The following RAI1 variants were observed in gnomAD, a reference collection of about 807,000 sequenced individuals.
RAI1 encodes the protein retinoic acid-induced protein 1.
Under a neutral mutation model 123.8 loss-of-function variants are expected in RAI1, and 9 were observed. The observed-to-expected ratio is 0.07, with a 90% CI of 0.04 to 0.13. The LOEUF (loss-of-function observed/expected upper bound fraction) is 0.13, where lower values mean the gene tolerates loss of function less well. Among genes scored for constraint, RAI1 ranks in the 10% least tolerant of loss-of-function variants. The probability of loss-of-function intolerance (pLI) is 1.00; values close to 1 mark genes in which losing one functional copy is unlikely to be tolerated. For missense variants in RAI1, 2,256 were observed against 2,545.8 expected, an observed-to-expected ratio of 0.89 and a Z score of 2.45; for synonymous variants, 1,231 against 1,127.3, an observed-to-expected ratio of 1.09 and a Z score of -1.84.
intron 2 of RAI1, among the ~76,000 whole-genome samples, chr17:17,733,921 C>T (rs1377743498): frequency 6.6e-6 from 1 of 152,156 alleles, no homozygotes; most frequent in Admixed American, 6.5e-5. Context: ...GGGGCCCCCT[C>T]ACCACCCAAT....
intron 2 of RAI1, among the ~76,000 whole-genome samples, chr17:17,785,900 G>A (rs1366144746): frequency 6.6e-6 from 1 of 152,214 alleles, no homozygotes; most frequent in Admixed American, 6.5e-5. Context: ...AGGAGCTTGT[G>A]ATCAAATTCA....
At chr17:17,755,098 T>C (rs2030381833) in intron 2 of RAI1, among the ~76,000 whole-genome samples, 2 of 152,210 alleles carry the variant, frequency 1.3e-5, no homozygotes, top group Non-Finnish European at 2.9e-5. Context: ...TTGGACTGTT[T>C]AGAGGGCTCC....
intron 1 of RAI1, among the ~76,000 whole-genome samples, chr17:17,711,435 G>A (rs1327527266): frequency 2.6e-5 from 4 of 152,234 alleles, no homozygotes; most frequent in South Asian, 4.1e-4. Context: ...CCCGGAGTTG[G>A]GGGGCGGGTG....
intron 1 of RAI1, among the ~76,000 whole-genome samples, chr17:17,705,502 T>C (rs766484643): frequency 6.6e-6 from 1 of 151,950 alleles, no homozygotes; most frequent in Non-Finnish European, 1.5e-5. Flanking sequence ...GCTGAGATCG[T>C]GCCATTGCAC....
chr17:17,686,604 T>TGCGC (rs1487040603), intron 1 of RAI1, among the ~76,000 whole-genome samples: 251 of 138,982 alleles, frequency 1.8e-3, no homozygotes, highest in African/African-American at 6.5e-3. Flanking sequence ...TGTGTGTGTG[T>TGCGC]GTGTGCACGC....
Position 17,810,342 on chromosome 17 carries a change from T to G in RAI1, c.*361T>G, listed in dbSNP as rs1567942873. 2 of 354,284 alleles carry G rather than the reference T, an allele frequency of 5.6e-6. No individual in the cohort carries two copies. Among genetic ancestry groups the G allele is most frequent in the Non-Finnish European group, 1.0e-5 (2 of 194,378 alleles). 21.9% of individuals were successfully genotyped at this position (354,284 alleles called of 1,614,324 possible). ...GGCTTTGTCCTGGGGACACTTTCCC[T>G]CTGGAATCTCAAGACGACGTGGCAC... On this transcript the variant is annotated 3_prime_UTR_variant, in exon 6 of 6. Coordinates refer to ENST00000353383, the MANE Select transcript of RAI1 (RefSeq NM_030665.4). This position sits in a 1 kb window ranked among gnomAD's most constrained non-coding sequence, Gnocchi z 4.6.
At position 17,800,914 on chromosome 17, in the gene RAI1, C is replaced by T. The variant is rs1483539476; in HGVS notation, c.5565+2401C>T. Among the ~76,000 whole-genome samples, 5 of 152,216 alleles carry T rather than the reference C, an allele frequency of 3.3e-5. No individual in the cohort carries two copies. The East Asian group carries it at 9.6e-4, about 29-fold the overall frequency. On this transcript the variant is annotated intron_variant, in intron 3 of 5. Transcript: ENST00000353383. This position sits in a 1 kb window ranked among gnomAD's most constrained non-coding sequence, Gnocchi z 4.7. Reference sequence around the variant, plus strand: ...GTTCCATAGCTCCAGGCGAGTCACGCATGCTCTGAGAACTCCACAATGTCA... The same window carrying T: ...GTTCCATAGCTCCAGGCGAGTCACGTATGCTCTGAGAACTCCACAATGTCA...
chr17:17,777,629 G>A (rs2031395437), intron 2 of RAI1: 1 of 152,244 alleles, frequency 6.6e-6, no homozygotes, highest in Non-Finnish European at 1.5e-5. Context: ...CCCCTAGGAT[G>A]GATGCTCAGG....
At chr17:17,710,251 T>C (rs1428442363) in intron 1 of RAI1, among the ~76,000 whole-genome samples, 3 of 152,066 alleles carry the variant, frequency 2.0e-5, no homozygotes, top group African/African-American at 7.2e-5. Flanking sequence ...AAAAAGAGCA[T>C]TTCAAGGAGA....
chr17:17,806,566 C>A (rs1363185098), intron 4 of RAI1, among the ~76,000 whole-genome samples: 1 of 152,226 alleles, frequency 6.6e-6, no homozygotes, highest in Non-Finnish European at 1.5e-5. Flanking sequence ...CCCTTCCAGG[C>A]CCAGCTTCAT....
chr17:17,692,965 A>G (rs1165558622), intron 1 of RAI1, among the ~76,000 whole-genome samples: 1 of 152,150 alleles, frequency 6.6e-6, no homozygotes. Flanking sequence ...GAAAGGGGAG[A>G]GAGGGCAGAC....
In RAI1 at chr17:17,752,118, C is replaced by G. The variant is rs374719549; in HGVS notation, c.-17+27959C>G. ...TAGGAAGTGGAGGCCCAGGGTCTTG[C>G]AGCCCTGTGGGGAGAGGGCTGCCCA... On this transcript the variant is annotated intron_variant, in intron 2 of 5. Transcript: ENST00000353383. Among the ~76,000 whole-genome samples the G allele has an allele frequency of 3.9e-5, 6 of 152,212 alleles. No individual in the cohort carries two copies. In the East Asian group the frequency reaches 7.7e-4, roughly 20 times the overall value.
Position 17,810,036 on chromosome 17 carries a change from C to G in RAI1, c.*55C>G, listed in dbSNP as rs2032698740. 1.9e-6 allele frequency: 3 copies of G among 1,542,184 alleles called. No individual in the cohort carries two copies. Among genetic ancestry groups the G allele is most frequent in the Non-Finnish European group, 2.6e-6 (3 of 1,144,274 alleles). ...CGGAGCCCGCCTGCCCGCCCGCCGC[C>G]GAAGGAGAGGAGCCGCCTGCGCAGC... is the stretch of plus-strand genomic sequence containing the variant. On this transcript the variant is annotated 3_prime_UTR_variant, in exon 6 of 6. Transcript: ENST00000353383. The surrounding 1 kb of genome is among the most constrained non-coding windows in gnomAD (Gnocchi z 4.6).
In RAI1 at chr17:17,798,419, T is replaced by C. The variant is rs2032347035; in HGVS notation, c.5471T>C (p.Val1824Ala). The C allele has an allele frequency of 6.2e-7, 1 of 1,610,510 alleles. No homozygotes were observed. The highest frequency in any genetic ancestry group is 8.5e-7 in the Non-Finnish European group (1 of 1,179,330). ...EPGGEAQEHW[V>A]HEACAVWTGG... is the part of the protein sequence containing the mutation. ...GGCGGGGAGGCCCAGGAGCACTGGG[T>C]GCATGAGGCCTGTGCCGTGTGGACC... is the stretch of plus-strand genomic sequence containing the variant. The change falls in exon 3 of 6, where the codon GTG becomes GCG. Residue 1824 changes from valine to alanine, a missense_variant. This residue lies in a region of RAI1 where 243 missense variants were observed against 316.6 expected (regional missense o/e 0.77). Transcript: ENST00000353383.
chr17:17,809,913 C>T lies in RAI1; in HGVS notation c.5710-57C>T, dbSNP rs2032692041. ...CGGGGGGCCCACACTGGGGGCGGGG[C>T]CTATGGACTGTGAAGTCCGAGGTCG... On this transcript the variant is annotated intron_variant, in intron 5 of 5. Transcript: ENST00000353383. The surrounding 1 kb of genome is among the most constrained non-coding windows in gnomAD (Gnocchi z 4.9). The T allele has an allele frequency of 1.9e-6, 3 of 1,552,926 alleles. No individual in the cohort carries two copies. Among genetic ancestry groups the T allele is most frequent in the Non-Finnish European group, 1.7e-6 (2 of 1,149,340 alleles).
intron 2 of RAI1, among the ~76,000 whole-genome samples, chr17:17,727,977 C>A (rs1309633086): frequency 1.3e-5 from 2 of 152,012 alleles, no homozygotes; most frequent in African/African-American, 4.8e-5. Context: ...TGCCTCTGAT[C>A]CTGCTTGTGT....
intron 2 of RAI1, among the ~76,000 whole-genome samples, chr17:17,783,997 C>T (rs745770975): frequency 7.9e-5 from 12 of 152,070 alleles, no homozygotes; most frequent in Non-Finnish European, 1.3e-4. Flanking sequence ...TTTTTTCTCT[C>T]CTTCTCTCTT....
At position 17,714,821 on chromosome 17, in the gene RAI1, G is replaced by C. The variant is rs1423364533; in HGVS notation, c.-148-9207G>C. The stretch of plus-strand genomic sequence containing the variant: ...TGGTGGGTGAAGGGTCTGGTCCGCA[G>C]GTCTGCTCTCCAAGCTGCCTCGTTG... On this transcript the variant is annotated intron_variant, in intron 1 of 5. Transcript: ENST00000353383. This position sits in a 1 kb window ranked among gnomAD's most constrained non-coding sequence, Gnocchi z 4.9. 2.0e-5 allele frequency among the ~76,000 whole-genome samples: 3 copies of C among 152,210 alleles called. No homozygotes were observed. The highest frequency in any genetic ancestry group is 7.2e-5 in the African/African-American group (3 of 41,452).
Position 17,797,233 on chromosome 17 carries a change from T to G in RAI1, c.4285T>G (p.Phe1429Val). Reference protein sequence around the residue: ...SSTDCFKTEAFTSPEALQPGG... With the variant: ...SSTDCFKTEAVTSPEALQPGG... ...TACTGACTGTTTCAAAACCGAGGCC[T>G]TCACATCCCCGGAGGCCCTGCAGCC... is the stretch of plus-strand genomic sequence containing the variant. The change falls in exon 3 of 6, where the codon TTC becomes GTC. Residue 1429 changes from phenylalanine (F) to valine (V), a missense_variant. Physicochemically the swap from Phe to Val is conservative, Grantham distance 50. Coordinates refer to ENST00000353383, the MANE Select transcript of RAI1 (RefSeq NM_030665.4). 1 of 1,613,534 alleles carries G rather than the reference T, an allele frequency of 6.2e-7. No homozygotes were observed. The highest frequency in any genetic ancestry group is 8.5e-7 in the Non-Finnish European group (1 of 1,180,008).
Sources: gnomAD v4.1 joint callset for allele counts (sites outside exome capture counted in the v4.1 genomes callset) on GRCh38, gnomAD v4.1.1 for gene constraint, gnomAD v4.1.1 regional missense constraint, Gnocchi (gnomAD v3.1) non-coding constraint, MANE v1.5 for transcripts, NCBI Gene and HGNC (gene_info 2026-07-23, HGNC 2026-07-21) for gene names.